NBN: variants seen among roughly 807,000 people sequenced by gnomAD.
NBN encodes the protein nibrin, also known as Nijmegen breakage syndrome 1 (nibrin).
Under a neutral mutation model 90.8 loss-of-function variants are expected in NBN, and 88 were observed. That is an observed-to-expected ratio of 0.97 (90% CI 0.82 to 1.16). NBN has a LOEUF of 1.16. NBN is among the 50% of genes most tolerant of loss of function. The pLI, the probability that NBN is intolerant of heterozygous loss-of-function variation, is 0.00. For synonymous variants in NBN, 328 were observed against 295.1 expected, an observed-to-expected ratio of 1.11 and a Z score of -1.14; for missense variants, 894 against 869.6, an observed-to-expected ratio of 1.03 and a Z score of -0.35.
chr8:89,977,688 C>A (rs192497095), intron 5 of NBN, among the ~76,000 whole-genome samples: 1 of 152,184 alleles, frequency 6.6e-6, no homozygotes, highest in African/African-American at 2.4e-5. Flanking sequence ...TACACCCCCA[C>A]CAACAGTGTA....
chr8:89,935,639 G>A, intron 15 of NBN, 27 bp from the exon 16 acceptor site: 1 of 1,601,464 alleles, frequency 6.2e-7, no homozygotes, highest in Non-Finnish European at 8.5e-7. Context: ...GGGGTTAAAT[G>A]ATATTTAGAT....
At chr8:89,957,426 T>C (rs762200011) in intron 9 of NBN, among the ~76,000 whole-genome samples, 2 of 152,262 alleles carry the variant, frequency 1.3e-5, no homozygotes, top group African/African-American at 2.4e-5. Context: ...AGCTAGGTAT[T>C]ATTAAAGTTT....
chr8:89,949,021 T>C (rs1362101853), intron 11 of NBN, among the ~76,000 whole-genome samples: 1 of 152,228 alleles, frequency 6.6e-6, no homozygotes, highest in East Asian at 1.9e-4. Flanking sequence ...ATTTCCCATA[T>C]AAGTAAACCA....
intron 5 of NBN, among the ~76,000 whole-genome samples, chr8:89,977,095 C>A (rs7463645): frequency 6.6e-6 from 1 of 151,748 alleles, no homozygotes; most frequent in Non-Finnish European, 1.5e-5. Context: ...GATACATGTG[C>A]AGAACATGCA....
chr8:89,942,276 G>C (rs768557536), intron 14 of NBN, among the ~76,000 whole-genome samples: 1 of 152,080 alleles, frequency 6.6e-6, no homozygotes, highest in Non-Finnish European at 1.5e-5. Flanking sequence ...TCCAGCTTCT[G>C]GTCCAAATAT....
rs901061322 is a variant in NBN, at chr8:89,933,461, A to C, written c.*2121T>G. ...CAAACATTTCAGTGTAACCAAACAGAAAGTCCAGAAACAGATCCACCATTA... is the reference window on the plus strand; with the variant it reads ...CAAACATTTCAGTGTAACCAAACAGCAAGTCCAGAAACAGATCCACCATTA... On this transcript the variant is annotated 3_prime_UTR_variant, in exon 16 of 16. Coordinates refer to ENST00000265433, the MANE Select transcript of NBN (RefSeq NM_002485.5). 4.4e-6 allele frequency: 1 copy of C among 229,448 alleles called. No individual in the cohort carries two copies. The highest frequency in any genetic ancestry group is 2.2e-5 in the African/African-American group (1 of 45,108). 14.2% of individuals were successfully genotyped at this position (229,448 alleles called of 1,614,324 possible). A position where few individuals can be genotyped will look rare whatever the true frequency, so the allele number is the denominator to read the frequency against.
Position 89,947,858 on chromosome 8 carries a change from T to A in NBN, c.1880A>T (p.Lys627Met), listed in dbSNP as rs762174459. ...TTTAGCTGACCATAGTGAGTCTTCC[T>A]TGAGTTCACGTTTCTTCCCAATTTC... ...ENEIGKKREL[K>M]EDSLWSAKEI... Residue 627 changes from lysine (K) to methionine (M), a missense_variant, in exon 12 of 16, where the codon AAG becomes ATG. Transcript: ENST00000265433. 6.3e-7 allele frequency: 1 copy of A among 1,582,510 alleles called. No individual in the cohort carries two copies. The highest frequency in any genetic ancestry group is 8.7e-7 in the Non-Finnish European group (1 of 1,155,690).
chr8:89,961,679 G>A (rs1351725536), intron 8 of NBN, among the ~76,000 whole-genome samples: 2 of 152,198 alleles, frequency 1.3e-5, no homozygotes, highest in South Asian at 2.1e-4. Context: ...TAAAAAAGGC[G>A]AGGTCGGGAG....
intron 10 of NBN, 25 bp downstream of exon 10, chr8:89,955,250 TCAGAGACA>T: frequency 6.2e-7 from 1 of 1,603,406 alleles, no homozygotes; most frequent in Admixed American, 1.7e-5. Context: ...CATTTTTTTT[TCAGAGACA>T]TGAGAGAAGT....
chr8:89,979,040 T>C (rs7832009), intron 4 of NBN, among the ~76,000 whole-genome samples: 47,241 of 152,154 alleles, frequency 0.31, 7,557 homozygotes, highest in East Asian at 0.45. Flanking sequence ...TGCAGTGGCG[T>C]GATCCTGGTT....
At chr8:89,939,539 TA>T (rs1277653111) in intron 14 of NBN, among the ~76,000 whole-genome samples, 1 of 152,116 alleles carries the variant, frequency 6.6e-6, no homozygotes, top group African/African-American at 2.4e-5. Context: ...CAGTGTTAAT[TA>T]ATCAAGGAGA....
chr8:89,938,969 C>T (rs541961013), intron 14 of NBN, among the ~76,000 whole-genome samples: 2 of 152,230 alleles, frequency 1.3e-5, no homozygotes, highest in Admixed American at 1.3e-4. Context: ...TCAGTAAAAA[C>T]ATATAAAATA....
intron 5 of NBN, among the ~76,000 whole-genome samples, chr8:89,977,817 C>T (rs1379894996): frequency 1.3e-5 from 2 of 152,206 alleles, no homozygotes; most frequent in Non-Finnish European, 2.9e-5. Flanking sequence ...AAACTAAGCT[C>T]CATTCCCAAA....
At chr8:89,982,489 T>C (rs1812115977) in intron 2 of NBN, 1 of 558,496 alleles carries the variant, frequency 1.8e-6, no homozygotes, top group Non-Finnish European at 3.2e-6. Flanking sequence ...TCTGAGTTTC[T>C]AACTAAAACA....
At chr8:89,946,791 T>C (rs1421120520) in intron 12 of NBN, among the ~76,000 whole-genome samples, 1 of 152,208 alleles carries the variant, frequency 6.6e-6, no homozygotes, top group Admixed American at 6.5e-5. Flanking sequence ...TCATCAGTTC[T>C]GGACATACTA....
Position 89,933,740 on chromosome 8 carries a change from T to C in NBN, c.*1842A>G. On this transcript the variant is annotated 3_prime_UTR_variant, in exon 16 of 16. Coordinates refer to ENST00000265433, the MANE Select transcript of NBN (RefSeq NM_002485.5). ...ATATCAAACAAAAGAAAAAAATAAA[T>C]TTGACCTTGTCAAAATTTAAAACTT... 1 of 232,396 alleles carries C rather than the reference T, an allele frequency of 4.3e-6. No homozygotes were observed. The highest frequency in any genetic ancestry group is 2.2e-5 in the African/African-American group (1 of 45,392). 14.4% of individuals were successfully genotyped at this position (232,396 alleles called of 1,614,324 possible).
intron 5 of NBN, among the ~76,000 whole-genome samples, chr8:89,973,894 C>G (rs905550083): frequency 7.4e-6 from 1 of 135,616 alleles, no homozygotes; most frequent in Non-Finnish European, 1.6e-5. Flanking sequence ...TTCGTTTATA[C>G]AGAAACTTTA....
chr8:89,943,889 T>C (rs1463814456), intron 13 of NBN, among the ~76,000 whole-genome samples: 3 of 152,172 alleles, frequency 2.0e-5, no homozygotes, highest in Non-Finnish European at 4.4e-5. Context: ...GAAAAGAAAA[T>C]TCCATGTGAA....
intron 11 of NBN, among the ~76,000 whole-genome samples, chr8:89,951,736 A>G (rs979446233): frequency 3.4e-5 from 5 of 149,032 alleles, no homozygotes; most frequent in African/African-American, 9.9e-5. Flanking sequence ...GTGAAATGAG[A>G]GTAGTCTTAA....
Sources: allele counts gnomAD v4.1 joint callset (sites outside exome capture counted in the v4.1 genomes callset), GRCh38; gene constraint gnomAD v4.1.1; transcripts MANE v1.5; gene names NCBI Gene and HGNC (gene_info 2026-07-23, HGNC 2026-07-21).